EIF3M: variants seen among roughly 807,000 people sequenced by gnomAD.
EIF3M encodes B5 receptor.
A neutral mutation model predicts 49.7 loss-of-function variants in EIF3M; 25 were observed. That is an observed-to-expected ratio of 0.50 (90% CI 0.37 to 0.70). The LOEUF (loss-of-function observed/expected upper bound fraction) is 0.70. EIF3M is among the 30% of genes least tolerant of loss of function. EIF3M has a pLI of 0.00. For missense variants in EIF3M, 350 were observed against 440.0 expected (o/e 0.80, Z 1.83); for synonymous variants, 156 against 149.8 (o/e 1.04, Z -0.30).
At chr11:32,586,324 C>T (rs982674904) in intron 1 of EIF3M, among the ~76,000 whole-genome samples, 2 of 152,086 alleles carry the variant, frequency 1.3e-5, no homozygotes, top group African/African-American at 4.8e-5. Context: ...ATATATAATT[C>T]GGTAGTAGGG....
At chr11:32,594,776 G>A (rs1484714898) in intron 6 of EIF3M, 138 bp from the exon 7 acceptor site, 2 of 639,008 alleles carry the variant, frequency 3.1e-6, no homozygotes, top group Non-Finnish European at 5.1e-6. Context: ...ACCCAATCCT[G>A]TAGCTTTTTT....
At chr11:32,587,781 A>T (rs58713017) in intron 2 of EIF3M, among the ~76,000 whole-genome samples, 3,187 of 152,288 alleles carry the variant, frequency 0.021, 111 homozygotes, top group African/African-American at 0.071. Flanking sequence ...GGAAATTTTC[A>T]GAATTGTTGA....
intron 6 of EIF3M, chr11:32,594,269 T>C (rs1855147332): frequency 9.4e-6 from 2 of 213,070 alleles, no homozygotes; most frequent in Middle Eastern, 1.6e-3. Context: ...AGGTGGAAAG[T>C]TGATGGCTTG....
At chr11:32,599,027 TA>T (rs1212765659) in intron 8 of EIF3M, among the ~76,000 whole-genome samples, 3 of 152,076 alleles carry the variant, frequency 2.0e-5, no homozygotes, top group African/African-American at 7.2e-5. Flanking sequence ...TTAATGTGTA[TA>T]TTTTTTATTT....
intron 8 of EIF3M, among the ~76,000 whole-genome samples, chr11:32,596,614 AAAAAAAG>A (rs1378244010): frequency 6.6e-6 from 1 of 151,576 alleles, no homozygotes; most frequent in African/African-American, 2.4e-5. Context: ...AAAAAAAAAA[AAAAAAAG>A]AAAGAAAAGA....
chr11:32,602,282 TA>T lies in EIF3M; in HGVS notation c.1009del (p.Ser337AlafsTer25). Reference sequence around the variant, plus strand: ...TGTTTAATTTTTCAATTTTTAGTCATAGCACACATCGGACATTTGGAAAACA... The same window carrying T: ...TGTTTAATTTTTCAATTTTTAGTCATGCACACATCGGACATTTGGAAAACA... ...QTQRKVVVSH[S>X]THRTFGKQQW... On this transcript the variant is annotated frameshift_variant, in exon 11 of 11. Coordinates refer to ENST00000531120, the MANE Select transcript of EIF3M (RefSeq NM_006360.6). LOFTEE classifies it high-confidence loss of function. The T allele has an allele frequency of 6.2e-7, 1 of 1,610,650 alleles. No individual in the cohort carries two copies.
rs1177615225 is a variant in EIF3M, at chr11:32,600,814, G to A, written c.925G>A (p.Glu309Lys). 1 of 1,607,068 alleles carries A rather than the reference G, an allele frequency of 6.2e-7. No individual in the cohort carries two copies. Among genetic ancestry groups the A allele is most frequent in the Non-Finnish European group, 8.5e-7 (1 of 1,176,702 alleles). ...ACTTCAGATTGGAGCTGATGATGTT[G>A]AAGCATTTGTTATTGACGGTAAGGC... ...QELQIGADDV[E>K]AFVIDAVRTK... The change falls in exon 9 of 11, where the codon GAA (glutamate) becomes AAA (lysine). Residue 309 changes from glutamate to lysine, a missense_variant. By Grantham distance (56) the Glu-to-Lys change is moderately conservative (BLOSUM62 1). Transcript: ENST00000531120.
At position 32,606,246 on chromosome 11, in the gene EIF3M, AC is replaced by A. The variant is rs1437187701; in HGVS notation, c.*3848del. The A allele has an allele frequency of 1.3e-5, 2 of 152,250 alleles. No individual in the cohort carries two copies. Among genetic ancestry groups the A allele is most frequent in the Non-Finnish European group, 2.9e-5 (2 of 68,050 alleles). The allele number at this position is 152,250 out of a possible 1,614,324, so 9.4% of individuals were successfully genotyped here. A position where few individuals can be genotyped will look rare whatever the true frequency, so the allele number is the denominator to read the frequency against. ...TACATAAAATATGTTGAAAAATAAA[AC>A]TATTTTTTTGGCTATAAGTCTTCAT... On this transcript the variant is annotated 3_prime_UTR_variant, in exon 11 of 11. Transcript: ENST00000531120.
At position 32,593,957 on chromosome 11, in the gene EIF3M, T is replaced by TA. The variant is rs750223675; in HGVS notation, c.617+11dup. ...TCGAGTTGATGCCCACAGGTAATGT[T>TA]AAACGTTACTCTGATGAGGGTTTGA... On this transcript the variant is annotated intron_variant, in intron 6 of 10. Coordinates refer to ENST00000531120, the MANE Select transcript of EIF3M (RefSeq NM_006360.6). 12 of 1,516,938 alleles carry TA rather than the reference T, an allele frequency of 7.9e-6. No homozygotes were observed. The Admixed American group carries it at 2.6e-4, about 33-fold the overall frequency. 94.0% of individuals were successfully genotyped at this position (1,516,938 alleles called of 1,614,324 possible).
At chr11:32,586,788 C>T (rs982189816) in intron 1 of EIF3M, 18 of 371,824 alleles carry the variant, frequency 4.8e-5, no homozygotes, top group Middle Eastern at 7.4e-4. Context: ...GAAGGTGATC[C>T]ATGGGGGCTG....
At chr11:32,600,577 A>G (rs543227525) in intron 8 of EIF3M, 112 bp from the exon 9 acceptor site, 2 of 1,275,504 alleles carry the variant, frequency 1.6e-6, no homozygotes, top group South Asian at 4.2e-5. Context: ...TCAAACAATA[A>G]TTTCCACAAT....
In EIF3M at chr11:32,602,864, G is replaced by A. The variant is rs749861449; in HGVS notation, c.*465G>A. 8.7e-6 allele frequency: 14 copies of A among 1,609,668 alleles called. No homozygotes were observed. The Admixed American group carries it at 1.0e-4, about 12-fold the overall frequency. On this transcript the variant is annotated 3_prime_UTR_variant, in exon 11 of 11. Coordinates refer to ENST00000531120, the MANE Select transcript of EIF3M (RefSeq NM_006360.6). Reference sequence around the variant, plus strand: ...GTCTCTTCTGCTTTTCTTTTCTTTGGCTGGTTGTCATTTTCTAAACTTAGT... The same window carrying A: ...GTCTCTTCTGCTTTTCTTTTCTTTGACTGGTTGTCATTTTCTAAACTTAGT...
chr11:32,586,799 T>C (rs1178830977), intron 1 of EIF3M: 6 of 427,682 alleles, frequency 1.4e-5, no homozygotes, highest in Non-Finnish European at 2.5e-5. Context: ...ATGGGGGCTG[T>C]AGTGTGTCTA....
chr11:32,590,356 T>C lies in EIF3M; in HGVS notation c.533+715T>C, dbSNP rs1775125382. ...CATATAGCTTGCAAAGCTTAAAATA[T>C]TTACTCTCTGGCCCTTTATAGAACG... On this transcript the variant is annotated intron_variant, in intron 5 of 10. Transcript: ENST00000531120. Among the ~76,000 whole-genome samples, 3 of 152,310 alleles carry C rather than the reference T, an allele frequency of 2.0e-5. No homozygotes were observed. The South Asian group carries it at 6.2e-4, about 32-fold the overall frequency.
chr11:32,588,632 T>C lies in EIF3M; in HGVS notation c.214T>C (p.Leu72=). The change falls in exon 3 of 11, where the codon TTG becomes CTG. Residue 72 remains leucine (L), a synonymous_variant. Transcript: ENST00000531120. The part of the protein sequence containing the change: ...SVMNSVVSLL[L]ILEPDKQEAL... ...GATGAACAGTGTGGTATCCCTACTC[T>C]TGATCCTGGAACCAGACAAGCAAGA... 1 of 1,614,214 alleles carries C rather than the reference T, an allele frequency of 6.2e-7. No homozygotes were observed. The highest frequency in any genetic ancestry group is 8.5e-7 in the Non-Finnish European group (1 of 1,180,038).
At chr11:32,588,512 T>G (rs987683430) in intron 2 of EIF3M, 82 bp from the exon 3 acceptor site, 7 of 1,520,448 alleles carry the variant, frequency 4.6e-6, no homozygotes, top group Admixed American at 1.9e-5. Context: ...TTCATTGTAT[T>G]AAAACACTGG....
intron 1 of EIF3M, among the ~76,000 whole-genome samples, chr11:32,585,317 A>G (rs936530522): frequency 5.9e-5 from 9 of 152,280 alleles, no homozygotes; most frequent in East Asian, 1.9e-4. Context: ...TTAACATACA[A>G]AGTGAATGGA....
intron 7 of EIF3M, 70 bp downstream of exon 7, chr11:32,595,083 T>G: frequency 7.3e-7 from 1 of 1,366,338 alleles, no homozygotes; most frequent in Non-Finnish European, 1.0e-6. Flanking sequence ...AGCAGGACTC[T>G]TTTTCTTTGC....
rs576885702 is a variant in EIF3M, at chr11:32,591,002, G to A, written c.533+1361G>A. 5.3e-5 allele frequency among the ~76,000 whole-genome samples: 8 copies of A among 152,092 alleles called. No individual in the cohort carries two copies. In the East Asian group the frequency reaches 5.8e-4, roughly 11 times the overall value. Reference sequence around the variant, plus strand: ...AGCAGCTGGGACCACAGTTGCCGCCGCCACGCCCGGCTAATTTTTTGTATT... The same window carrying A: ...AGCAGCTGGGACCACAGTTGCCGCCACCACGCCCGGCTAATTTTTTGTATT... On this transcript the variant is annotated intron_variant, in intron 5 of 10. Coordinates refer to ENST00000531120, the MANE Select transcript of EIF3M (RefSeq NM_006360.6).
Sources: allele counts gnomAD v4.1 joint callset (sites outside exome capture counted in the v4.1 genomes callset), GRCh38; gene constraint gnomAD v4.1.1; transcripts MANE v1.5; gene names NCBI Gene and HGNC (gene_info 2026-07-23, HGNC 2026-07-21).